ST6GALNAC3: variants seen among roughly 807,000 people sequenced by gnomAD.
ST6GALNAC3 encodes the protein ST6 N-acetylgalactosaminide alpha-2,6-sialyltransferase 3, also known as alpha-N-acetylgalactosaminide alpha-2,6-sialyltransferase 3.
In ST6GALNAC3, 25 loss-of-function variants were observed where a neutral mutation model predicts 32.7. That is an observed-to-expected ratio of 0.76 (90% CI 0.56 to 1.07). ST6GALNAC3 has a LOEUF of 1.07. ST6GALNAC3 is among the 50% of genes least tolerant of loss of function. The pLI, the probability that ST6GALNAC3 is intolerant of heterozygous loss-of-function variation, is 0.00. For synonymous variants in ST6GALNAC3, 129 were observed against 133.1 expected (o/e 0.97, Z 0.21); for missense variants, 355 against 382.4 (o/e 0.93, Z 0.60).
rs1371349373 is a variant in ST6GALNAC3 at position 76,522,289 on chromosome 1, T to C, written c.624-105163T>C. On this transcript the variant is annotated intron_variant, in intron 3 of 4. Transcript: ENST00000328299. The stretch of plus-strand genomic sequence containing the variant: ...TTAATGGTTTAAAAAGTGTTTATTA[T>C]GCTTTTAGTTTGCTGATTTTTTTGA... Among the ~76,000 whole-genome samples, 5 of 152,294 alleles carry C rather than the reference T, an allele frequency of 3.3e-5. No individual in the cohort carries two copies. In the East Asian group the frequency reaches 5.8e-4, roughly 18 times the overall value.
chr1:76,097,922 T>G (rs1215196780), intron 1 of ST6GALNAC3, among the ~76,000 whole-genome samples: 1 of 152,192 alleles, frequency 6.6e-6, no homozygotes, highest in East Asian at 1.9e-4. Flanking sequence ...TAAAAAGGTT[T>G]TGTTATTTTT....
chr1:76,093,297 A>G (rs1051842677), intron 1 of ST6GALNAC3, among the ~76,000 whole-genome samples: 6 of 152,230 alleles, frequency 3.9e-5, no homozygotes, highest in African/African-American at 7.2e-5. Context: ...GACTGGGGAC[A>G]CTTAATTACC....
intron 3 of ST6GALNAC3, among the ~76,000 whole-genome samples, chr1:76,454,628 G>C (rs1399601626): frequency 1.3e-5 from 2 of 152,158 alleles, no homozygotes; most frequent in Non-Finnish European, 2.9e-5. Flanking sequence ...CTTCTAGCTT[G>C]TAAGGATTCT....
chr1:76,087,691 G>A (rs1275085339), intron 1 of ST6GALNAC3, among the ~76,000 whole-genome samples: 2 of 152,184 alleles, frequency 1.3e-5, no homozygotes, highest in Non-Finnish European at 2.9e-5. Context: ...ACCTCTCAAA[G>A]GTCATACTAC....
At chr1:76,391,536 CT>C (rs1652554229) in intron 2 of ST6GALNAC3, among the ~76,000 whole-genome samples, 1 of 135,816 alleles carries the variant, frequency 7.4e-6, no homozygotes, top group African/African-American at 3.1e-5. Flanking sequence ...TCCTTCCTTC[CT>C]TCCTTCCTTC....
At chr1:76,482,659 AAG>A (rs1483981792) in intron 3 of ST6GALNAC3, among the ~76,000 whole-genome samples, 1 of 152,158 alleles carries the variant, frequency 6.6e-6, no homozygotes, top group African/African-American at 2.4e-5. Flanking sequence ...ATAACTTGAC[AAG>A]AGTCACCCAG....
intron 3 of ST6GALNAC3, among the ~76,000 whole-genome samples, chr1:76,600,699 A>G (rs2100626728): frequency 6.6e-6 from 1 of 152,346 alleles, no homozygotes; most frequent in Non-Finnish European, 1.5e-5. Context: ...TGTCAAGGTT[A>G]TTATAAAATA....
At chr1:76,416,598 T>C (rs1375238628) in intron 3 of ST6GALNAC3, among the ~76,000 whole-genome samples, 3 of 151,498 alleles carry the variant, frequency 2.0e-5, no homozygotes, top group Admixed American at 6.6e-5. Context: ...GGTAGGCATC[T>C]TTTCACTTTT....
chr1:76,272,739 A>G (rs1187199728), intron 1 of ST6GALNAC3, among the ~76,000 whole-genome samples: 3 of 152,170 alleles, frequency 2.0e-5, no homozygotes, highest in African/African-American at 4.8e-5. Context: ...GCCACCCCCA[A>G]AGAACACCCT....
At chr1:76,512,814 CT>C (rs995253314) in intron 3 of ST6GALNAC3, among the ~76,000 whole-genome samples, 2 of 152,142 alleles carry the variant, frequency 1.3e-5, no homozygotes, top group East Asian at 3.9e-4. Flanking sequence ...AACACACACA[CT>C]TTTTTTCTTT....
intron 3 of ST6GALNAC3, chr1:76,577,098 A>T (rs1646822566): frequency 1.8e-6 from 2 of 1,085,360 alleles, no homozygotes; most frequent in Non-Finnish European, 1.1e-6. Context: ...GTTTTTAAAA[A>T]GGAAGGGAAA....
At chr1:76,363,035 T>C (rs1275098258) in intron 2 of ST6GALNAC3, among the ~76,000 whole-genome samples, 1 of 152,232 alleles carries the variant, frequency 6.6e-6, no homozygotes, top group Admixed American at 6.5e-5. Flanking sequence ...AGGTTCTCCA[T>C]GAGGGATCTG....
chr1:76,406,334 A>G (rs1262017382), intron 2 of ST6GALNAC3, among the ~76,000 whole-genome samples: 2 of 152,188 alleles, frequency 1.3e-5, no homozygotes, highest in South Asian at 2.1e-4. Context: ...AGAAAATAAT[A>G]TCATCTGCCA....
chr1:76,143,821 C>G (rs2706194), intron 1 of ST6GALNAC3, among the ~76,000 whole-genome samples: 2 of 152,056 alleles, frequency 1.3e-5, no homozygotes, highest in Non-Finnish European at 2.9e-5. Context: ...ATAGGGGCTG[C>G]GGCTTATTGA....
intron 3 of ST6GALNAC3, among the ~76,000 whole-genome samples, chr1:76,601,449 T>G (rs567568752): frequency 7.0e-4 from 106 of 152,224 alleles, no homozygotes; most frequent in African/African-American, 2.5e-3. Flanking sequence ...TAAAACTACA[T>G]AAATCATTAG....
intron 3 of ST6GALNAC3, among the ~76,000 whole-genome samples, chr1:76,605,869 A>AAG (rs1368354709): frequency 7.1e-6 from 1 of 140,654 alleles, no homozygotes; most frequent in Admixed American, 7.4e-5. Context: ...CATAAAAAAA[A>AAG]AAAAAAAAAA....
At chr1:76,203,517 C>G (rs906910604) in intron 1 of ST6GALNAC3, among the ~76,000 whole-genome samples, 4 of 46,720 alleles carry the variant, frequency 8.6e-5, no homozygotes, top group Admixed American at 3.1e-4. Flanking sequence ...GAAAAGGTGA[C>G]TTGTGTATTT....
intron 3 of ST6GALNAC3, among the ~76,000 whole-genome samples, chr1:76,491,825 C>A (rs1163822585): frequency 1.3e-5 from 2 of 152,138 alleles, no homozygotes; most frequent in Admixed American, 6.5e-5. Flanking sequence ...CCCTCAAATT[C>A]TTTCTTCTCT....
chr1:76,610,952 G>A lies in ST6GALNAC3; in HGVS notation c.624-16500G>A, dbSNP rs147302696. Among the ~76,000 whole-genome samples the A allele has an allele frequency of 2.6e-3, 389 of 152,070 alleles. 4 individuals are homozygous for A. Among genetic ancestry groups the A allele is most frequent in the African/African-American group, 8.9e-3 (368 of 41,464 alleles). On this transcript the variant is annotated intron_variant, in intron 3 of 4. Transcript: ENST00000328299. ...GCTAGGTATTTGTGACTAAGTACCT[G>A]GTGTTTGTTCAATAAAGATGTGTGT...
Sources: gnomAD v4.1 joint callset for allele counts (sites outside exome capture counted in the v4.1 genomes callset) on GRCh38, gnomAD v4.1.1 for gene constraint, MANE v1.5 for transcripts, NCBI Gene and HGNC (gene_info 2026-07-23, HGNC 2026-07-21) for gene names.